The following HMCN1 variants were observed in gnomAD, a reference collection of about 807,000 sequenced individuals.
HMCN1 encodes the protein hemicentin-1.
HMCN1 carries 321 observed loss-of-function variants against 625.9 expected under a neutral mutation model. That is an observed-to-expected ratio of 0.51 (90% CI 0.47 to 0.56). The LOEUF is 0.56. Ranked by LOEUF, HMCN1 falls within the 20% of genes least tolerant of loss-of-function variation. HMCN1 has a pLI of 0.00. For missense variants in HMCN1, 6,588 were observed against 6,887.3 expected (o/e 0.96, Z 1.54); for synonymous variants, 2,425 against 2,417.6 (o/e 1.00, Z -0.09).
Position 186,108,489 on chromosome 1 carries a change from G to A in HMCN1, c.10881G>A (p.Glu3627=). 6.2e-7 allele frequency: 1 copy of A among 1,614,080 alleles called. No homozygotes were observed. The highest frequency in any genetic ancestry group is 8.5e-7 in the Non-Finnish European group (1 of 1,179,986). Reference sequence around the variant, plus strand: ...CTCCTAATATTGCTGGAACTGATGAGCCCCGGGATATCACTGTGTTACGGA... The same window carrying A: ...CTCCTAATATTGCTGGAACTGATGAACCCCGGGATATCACTGTGTTACGGA... ...HVPPNIAGTD[E]PRDITVLRNR... The change falls in exon 71 of 107, where the codon GAG becomes GAA. Residue 3627 remains glutamate (E), a synonymous_variant. Transcript: ENST00000271588.
intron 100 of HMCN1, among the ~76,000 whole-genome samples, chr1:186,168,443 G>C (rs1445288367): frequency 7.3e-6 from 1 of 136,366 alleles, no homozygotes; most frequent in Non-Finnish European, 1.6e-5. Context: ...CAGAGACTCT[G>C]TTTCAAAAAA....
At chr1:185,753,730 A>G (rs183307057) in intron 1 of HMCN1, among the ~76,000 whole-genome samples, 2 of 152,318 alleles carry the variant, frequency 1.3e-5, no homozygotes, top group African/African-American at 2.4e-5. Context: ...TGAGATATCA[A>G]CTTACACCTG....
chr1:185,735,417 C>A (rs1247104603), intron 1 of HMCN1, among the ~76,000 whole-genome samples: 1 of 152,130 alleles, frequency 6.6e-6, no homozygotes, highest in Non-Finnish European at 1.5e-5. Flanking sequence ...TTTATAGCAG[C>A]GAAGCTCTAG....
chr1:186,123,823 C>T (rs1661514880), intron 81 of HMCN1, among the ~76,000 whole-genome samples: 1 of 152,086 alleles, frequency 6.6e-6, no homozygotes, highest in African/African-American at 2.4e-5. Context: ...AAACTGCTTC[C>T]AGCCTCTATT....
chr1:186,079,709 A>G lies in HMCN1; in HGVS notation c.8599+1489A>G, dbSNP rs184217762. Among the ~76,000 whole-genome samples the G allele has an allele frequency of 9.3e-4, 142 of 152,200 alleles. 1 individual carries two copies. The highest frequency in any genetic ancestry group is 3.4e-3 in the African/African-American group (140 of 41,540). On this transcript the variant is annotated intron_variant, in intron 55 of 106. Transcript: ENST00000271588. ...GAAAGATTGCGATTCAGTGAAATTG[A>G]AATGAAACTATGGGATTGGATGGTC...
intron 5 of HMCN1, among the ~76,000 whole-genome samples, chr1:185,911,049 C>T (rs761585673): frequency 7.9e-5 from 12 of 152,136 alleles, no homozygotes; most frequent in Non-Finnish European, 1.2e-4. Flanking sequence ...ATTGCACTGC[C>T]TCTTTTAATT....
intron 77 of HMCN1, among the ~76,000 whole-genome samples, chr1:186,118,294 T>C (rs1661231485): frequency 6.6e-6 from 1 of 152,160 alleles, no homozygotes; most frequent in South Asian, 2.1e-4. Context: ...AGTATGTGCA[T>C]ATTATTCTAA....
chr1:185,772,993 C>G (rs1314223545), intron 1 of HMCN1, among the ~76,000 whole-genome samples: 2 of 152,100 alleles, frequency 1.3e-5, no homozygotes, highest in Non-Finnish European at 2.9e-5. Context: ...AATACCTCCC[C>G]AAAAGCCCCA....
chr1:186,149,047 T>G lies in HMCN1; in HGVS notation c.14609-2153T>G, dbSNP rs139838106. 5.3e-5 allele frequency among the ~76,000 whole-genome samples: 8 copies of G among 152,270 alleles called. No individual in the cohort carries two copies. In the East Asian group the frequency reaches 1.5e-3, roughly 29 times the overall value. On this transcript the variant is annotated intron_variant, in intron 93 of 106. Transcript: ENST00000271588. ...TGTCATCCAGGCTTTGTTGTTTCAT[T>G]TATAGCACAGAGGCAGAGTAGATTT...
chr1:186,046,445 G>T (rs1016158027), intron 41 of HMCN1, among the ~76,000 whole-genome samples: 15 of 149,780 alleles, frequency 1.0e-4, no homozygotes, highest in Non-Finnish European at 8.8e-5. Context: ...CTCCAGCCTG[G>T]GTGACAGAGC....
At chr1:186,077,047 T>A (rs1253908597) in intron 54 of HMCN1, among the ~76,000 whole-genome samples, 1 of 152,156 alleles carries the variant, frequency 6.6e-6, no homozygotes, top group Non-Finnish European at 1.5e-5. Flanking sequence ...TAAATTGTTA[T>A]CTGGTTTATT....
chr1:186,085,712 G>C (rs1659437671), intron 57 of HMCN1, among the ~76,000 whole-genome samples: 1 of 151,686 alleles, frequency 6.6e-6, no homozygotes. Context: ...CGAGAGTACT[G>C]ACCACATCTG....
chr1:185,822,977 T>TTTCAC (rs1379625119), intron 1 of HMCN1, among the ~76,000 whole-genome samples: 2 of 152,168 alleles, frequency 1.3e-5, no homozygotes, highest in Non-Finnish European at 2.9e-5. Context: ...ATTTGATATA[T>TTTCAC]TTCACTCATC....
chr1:185,980,014 C>T (rs1056870492), intron 16 of HMCN1, among the ~76,000 whole-genome samples: 1 of 152,058 alleles, frequency 6.6e-6, no homozygotes, highest in African/African-American at 2.4e-5. Context: ...CTCAGTAGTC[C>T]CCATCCTCAT....
intron 1 of HMCN1, among the ~76,000 whole-genome samples, chr1:185,782,709 A>G (rs1348623399): frequency 6.6e-6 from 1 of 152,208 alleles, no homozygotes; most frequent in East Asian, 1.9e-4. Context: ...TTCTGCTGAG[A>G]GATCCGCTGT....
At position 186,130,709 on chromosome 1, in the gene HMCN1, C is replaced by G. The variant is rs368969955; in HGVS notation, c.13230+12C>G. The G allele has an allele frequency of 6.2e-7, 1 of 1,610,920 alleles. No individual in the cohort carries two copies. The highest frequency in any genetic ancestry group is 8.5e-7 in the Non-Finnish European group (1 of 1,178,844). ...TCTATGGCACTGTTGTAAGTCACGC[C>G]AGAATGATTGATGCACCTTTAAACC... On this transcript the variant is annotated intron_variant, in intron 85 of 106. Coordinates refer to ENST00000271588, the MANE Select transcript of HMCN1 (RefSeq NM_031935.3).
intron 11 of HMCN1, among the ~76,000 whole-genome samples, chr1:185,943,673 T>A (rs923268516): frequency 6.6e-6 from 1 of 152,126 alleles, no homozygotes; most frequent in African/African-American, 2.4e-5. Context: ...CTGAAGCCCA[T>A]AGTTTAGTGT....
chr1:185,808,414 G>A (rs1056204401), intron 1 of HMCN1, among the ~76,000 whole-genome samples: 5 of 152,048 alleles, frequency 3.3e-5, no homozygotes, highest in Non-Finnish European at 7.4e-5. Flanking sequence ...AACTATTCCA[G>A]AGGCTGAGGT....
chr1:186,147,978 G>A (rs1017053516), intron 93 of HMCN1, among the ~76,000 whole-genome samples: 1 of 152,204 alleles, frequency 6.6e-6, no homozygotes, highest in Non-Finnish European at 1.5e-5. Flanking sequence ...TTTCATGAAT[G>A]ATTTCTCTGT....
Sources: allele counts gnomAD v4.1 joint callset (sites outside exome capture counted in the v4.1 genomes callset), GRCh38; gene constraint gnomAD v4.1.1; transcripts MANE v1.5; gene names NCBI Gene and HGNC (gene_info 2026-07-23, HGNC 2026-07-21).